Variants in OTOG observed in about 807,000 individuals in gnomAD.
OTOG encodes otogelin.
Under a neutral mutation model 313.8 loss-of-function variants are expected in OTOG, and 296 were observed. That is an observed-to-expected ratio of 0.94 (90% CI 0.86 to 1.04). The LOEUF is 1.04. OTOG is among the 50% of genes least tolerant of loss of function. OTOG has a pLI of 0.00. For missense variants in OTOG, 3,948 were observed against 3,840.1 expected (o/e 1.03, Z -0.74); for synonymous variants, 1,533 against 1,554.9 (o/e 0.99, Z 0.33).
intron 15 of OTOG, among the ~76,000 whole-genome samples, chr11:17,564,621 C>T (rs747476923): frequency 6.6e-6 from 1 of 152,172 alleles, no homozygotes; most frequent in Non-Finnish European, 1.5e-5. Flanking sequence ...CGACTGCACT[C>T]CTGGGTGCCC....
At chr11:17,628,129 T>C (rs1854029509) in intron 39 of OTOG, among the ~76,000 whole-genome samples, 1 of 152,146 alleles carries the variant, frequency 6.6e-6, no homozygotes, top group Non-Finnish European at 1.5e-5. Flanking sequence ...CTTGCTTTTT[T>C]AGTTCTTTAA....
chr11:17,577,762 A>T (rs1324628157), intron 22 of OTOG, among the ~76,000 whole-genome samples: 1 of 152,098 alleles, frequency 6.6e-6, no homozygotes, highest in Non-Finnish European at 1.5e-5. Context: ...GGTTCATCCC[A>T]GCCTGGGCAT....
intron 32 of OTOG, 98 bp from the exon 33 acceptor site, chr11:17,605,759 T>C: frequency 5.9e-6 from 8 of 1,352,974 alleles, no homozygotes; most frequent in Non-Finnish European, 2.0e-6. Context: ...CGTGCTGCCA[T>C]CCAGAGTCGC....
intron 34 of OTOG, among the ~76,000 whole-genome samples, chr11:17,608,860 G>A (rs547748962): frequency 6.6e-6 from 1 of 152,312 alleles, no homozygotes; most frequent in South Asian, 2.1e-4. Context: ...ATGAGTGTGT[G>A]CAGAAGTGTA....
intron 31 of OTOG, among the ~76,000 whole-genome samples, chr11:17,601,813 C>T (rs1041630250): frequency 3.3e-5 from 5 of 152,154 alleles, no homozygotes; most frequent in Admixed American, 3.3e-4. Flanking sequence ...TCCCTCAGGC[C>T]TGGGGTGGGC....
intron 19 of OTOG, among the ~76,000 whole-genome samples, chr11:17,573,874 C>T (rs1287719336): frequency 1.3e-5 from 2 of 152,218 alleles, no homozygotes; most frequent in East Asian, 1.9e-4. Context: ...CTGCAGGTGA[C>T]TTGCTGTGTG....
chr11:17,563,853 G>GTTTTTTT lies in OTOG; in HGVS notation c.1644+2046_1644+2047insTTTTTTT, dbSNP rs1565094488. On this transcript the variant is annotated intron_variant, in intron 15 of 55. Transcript: ENST00000399397. ...GTGCCACCACACCTGGCTAGTTTTT[G>GTTTTTTT]GTTTTTTTTTTTTTTTTTTTTTTTG... Among the ~76,000 whole-genome samples, 15 of 133,396 alleles carry GTTTTTTT rather than the reference G, an allele frequency of 1.1e-4. 1 individual carries two copies. The highest frequency in any genetic ancestry group is 4.1e-4 in the African/African-American group (13 of 31,768). The allele number at this position is 133,396 out of a possible 152,430, so 87.5% of individuals were successfully genotyped here. A position where few individuals can be genotyped will look rare whatever the true frequency, so the allele number is the denominator to read the frequency against.
At chr11:17,568,161 C>T (rs953344109) in intron 15 of OTOG, among the ~76,000 whole-genome samples, 2 of 152,156 alleles carry the variant, frequency 1.3e-5, no homozygotes, top group Non-Finnish European at 2.9e-5. Context: ...CCCACCTTGG[C>T]CTCCCAGAGT....
intron 53 of OTOG, 129 bp downstream of exon 53, chr11:17,642,375 C>A: frequency 8.0e-7 from 1 of 1,245,836 alleles, no homozygotes; most frequent in Non-Finnish European, 1.1e-6. Context: ...TGCACTGCCA[C>A]CCCAAATCCA....
At chr11:17,598,135 G>A (rs1401446091) in intron 30 of OTOG, among the ~76,000 whole-genome samples, 1 of 152,206 alleles carries the variant, frequency 6.6e-6, no homozygotes, top group Admixed American at 6.5e-5. Context: ...GCCAGGCCTT[G>A]TGCCTATGTG....
At chr11:17,567,949 C>T (rs1240523203) in intron 15 of OTOG, among the ~76,000 whole-genome samples, 2 of 152,036 alleles carry the variant, frequency 1.3e-5, no homozygotes, top group African/African-American at 4.8e-5. Context: ...GCTTTGTCAC[C>T]CAGGCTGGAG....
At chr11:17,608,494 G>A (rs1853445958) in intron 34 of OTOG, 81 bp downstream of exon 34, 2 of 968,044 alleles carry the variant, frequency 2.1e-6, no homozygotes, top group Admixed American at 3.3e-5. Flanking sequence ...TTGTGTATGA[G>A]TGTTTCATAT....
At chr11:17,591,311 C>T (rs929394864) in intron 24 of OTOG, 139 bp from the exon 25 acceptor site, 15 of 1,183,466 alleles carry the variant, frequency 1.3e-5, no homozygotes, top group African/African-American at 1.2e-4. Context: ...CCTCCAGGCT[C>T]CTGTTAGAGG....
chr11:17,601,626 G>A (rs971031134), intron 31 of OTOG, among the ~76,000 whole-genome samples: 8 of 136,950 alleles, frequency 5.8e-5, no homozygotes, highest in South Asian at 5.7e-4. Context: ...CTCAGCAGCC[G>A]TGGGGAGGAG....
rs761544339 is a variant in OTOG, at chr11:17,574,708, C to G, written c.2294-12C>G. The G allele has an allele frequency of 6.5e-7, 1 of 1,547,922 alleles. No individual in the cohort carries two copies. Among genetic ancestry groups the G allele is most frequent in the African/African-American group, 1.4e-5 (1 of 73,064 alleles). On this transcript the variant is annotated splice_polypyrimidine_tract_variant and intron_variant, in intron 19 of 55. Transcript: ENST00000399397. ...GGGAGACAAAGCATGCACCACTCCC[C>G]CCTCACTGCAGCACTGTCCTGTGAG...
At chr11:17,625,309 A>AT (rs1853957563) in intron 39 of OTOG, among the ~76,000 whole-genome samples, 1 of 152,112 alleles carries the variant, frequency 6.6e-6, no homozygotes, top group African/African-American at 2.4e-5. Flanking sequence ...GACGGCTCTT[A>AT]TTATTTTGAG....
Position 17,609,824 on chromosome 11 carries a change from C to T in OTOG, c.4524C>T (p.Ala1508=). 6.5e-7 allele frequency: 1 copy of T among 1,533,456 alleles called. No individual in the cohort carries two copies. The highest frequency in any genetic ancestry group is 1.2e-5 in the South Asian group (1 of 81,724). 95.0% of individuals were successfully genotyped at this position (1,533,456 alleles called of 1,614,324 possible). A position where few individuals can be genotyped will look rare whatever the true frequency, so the allele number is the denominator to read the frequency against. Residue 1508 remains alanine (A), a synonymous_variant, in exon 36 of 56, where the codon GCC becomes GCT. Coordinates refer to ENST00000399397, the MANE Select transcript of OTOG (RefSeq NM_001292063.2). The part of the protein sequence containing the change: ...ALTPAAPLTT[A]LNPPVTATEE... ...CCCCAGCTGCCCCACTCACCACAGC[C>T]CTGAACCCACCAGTGACAGCCACTG... is the stretch of plus-strand genomic sequence containing the variant.
chr11:17,547,583 G>A (rs1477408992), intron 1 of OTOG, 117 bp downstream of exon 1: 19 of 1,266,016 alleles, frequency 1.5e-5, no homozygotes, highest in Non-Finnish European at 1.9e-5. Flanking sequence ...TTGAGGGAGA[G>A]CAGAGGGACA....
In OTOG at chr11:17,639,400, G is replaced by A. The variant is rs544754534; in HGVS notation, c.7895-23G>A. ...ACCTGGACATCCCTGATGAAGTGGGGCCTGGCCCCTTGTGTTTTTCAGAAT... is the reference window on the plus strand; with the variant it reads ...ACCTGGACATCCCTGATGAAGTGGGACCTGGCCCCTTGTGTTTTTCAGAAT... On this transcript the variant is annotated intron_variant, in intron 48 of 55. Transcript: ENST00000399397. 5.8e-6 allele frequency: 9 copies of A among 1,550,622 alleles called. No homozygotes were observed. In the African/African-American group the frequency reaches 9.6e-5, roughly 16 times the overall value.
Sources: gnomAD v4.1 joint callset for allele counts (sites outside exome capture counted in the v4.1 genomes callset) on GRCh38, gnomAD v4.1.1 for gene constraint, MANE v1.5 for transcripts, NCBI Gene and HGNC (gene_info 2026-07-23, HGNC 2026-07-21) for gene names.